The following LRP3 variants were observed in gnomAD, a reference collection of about 807,000 sequenced individuals.
LRP3 encodes LDL receptor related protein 3.
In LRP3, 49 loss-of-function variants were observed where a neutral mutation model predicts 58.5. The ratio of observed to expected loss-of-function variants is 0.84; its 90% confidence interval spans 0.67 to 1.06. The LOEUF (loss-of-function observed/expected upper bound fraction) is 1.06. Among genes scored for constraint, LRP3 ranks in the 50% least tolerant of loss-of-function variants. LRP3 has a pLI of 0.00. For synonymous variants in LRP3, 485 were observed against 492.2 expected (o/e 0.99, Z 0.20); for missense variants, 1,019 against 1,134.2 (o/e 0.90, Z 1.46).
In LRP3 at chr19:33,207,199, C is replaced by T. The variant is rs746165158; in HGVS notation, c.1937C>T (p.Ala646Val). The part of the protein sequence containing the change: ...GDGFLQPAPG[A>V]APDPPAPLMD... ...GGCTTCCTCCAGCCTGCTCCAGGGG[C>T]TGCCCCCGACCCCCCAGCACCGCTC... Residue 646 changes from alanine (A) to valine (V), a missense_variant, in exon 7 of 7, where the codon GCT (alanine) becomes GTT (valine). By Grantham distance (64) the Ala-to-Val change is moderately conservative. Around this residue, in one of 2 missense-constraint regions of LRP3, gnomAD observed 427 missense variants for 408.6 expected, o/e 1.04. Coordinates refer to ENST00000253193, the MANE Select transcript of LRP3 (RefSeq NM_002333.4). 1.0e-5 allele frequency: 16 copies of T among 1,552,964 alleles called. No homozygotes were observed. The highest frequency in any genetic ancestry group is 1.4e-5 in the Non-Finnish European group (16 of 1,154,612).
chr19:33,194,955 C>T (rs1304533285), intron 1 of LRP3, 97 bp downstream of exon 1: 7 of 550,488 alleles, frequency 1.3e-5, no homozygotes, highest in Admixed American at 5.7e-5. Context: ...GCATCCCGAG[C>T]CCCCCACCGC....
In LRP3 at chr19:33,207,280, G is replaced by A. The variant is rs749649601; in HGVS notation, c.2018G>A (p.Arg673His). 3.4e-5 allele frequency: 53 copies of A among 1,555,982 alleles called. No homozygotes were observed. Among genetic ancestry groups the A allele is most frequent in the South Asian group, 9.5e-5 (8 of 84,346 alleles). Residue 673 changes from arginine (R) to histidine (H), a missense_variant, in exon 7 of 7, where the codon CGT becomes CAT. Arg to His is a conservative substitution (Grantham distance 29). Around this residue, in one of 2 missense-constraint regions of LRP3, gnomAD observed 427 missense variants for 408.6 expected, o/e 1.04. Coordinates refer to ENST00000253193, the MANE Select transcript of LRP3 (RefSeq NM_002333.4). ...AGDRPPSAPGRAPEVGPSGPP... is the reference protein window; with the variant it reads ...AGDRPPSAPGHAPEVGPSGPP... ...GACAGGCCCCCCAGTGCCCCCGGCC[G>A]TGCACCGGAGGTGGGACCTTCAGGG...
Position 33,196,793 on chromosome 19 carries a change from C to T in LRP3, c.121+16C>T, listed in dbSNP as rs1974290335. On this transcript the variant is annotated intron_variant, in intron 2 of 6. Transcript: ENST00000253193. Reference sequence around the variant, plus strand: ...CCTGCCTTAGGTAAGTAAGCACTTTCTCTCCTTCCTCCACTCCTTCAGTCC... The same window carrying T: ...CCTGCCTTAGGTAAGTAAGCACTTTTTCTCCTTCCTCCACTCCTTCAGTCC... The T allele has an allele frequency of 1.2e-6, 2 of 1,613,158 alleles. No individual in the cohort carries two copies. Among genetic ancestry groups the T allele is most frequent in the South Asian group, 1.1e-5 (1 of 91,074 alleles).
At chr19:33,201,113 A>G (rs73571989) in intron 2 of LRP3, among the ~76,000 whole-genome samples, 15,502 of 152,264 alleles carry the variant, frequency 0.1, 1,622 homozygotes, top group African/African-American at 0.27. Context: ...CCTGCCATGC[A>G]TTAGGCACTG....
chr19:33,201,828 C>G (rs1974344313), intron 2 of LRP3, among the ~76,000 whole-genome samples: 1 of 152,130 alleles, frequency 6.6e-6, no homozygotes, highest in Non-Finnish European at 1.5e-5. Context: ...CACAGCGGGG[C>G]AGGGCAGGCT....
chr19:33,207,034 G>T lies in LRP3; in HGVS notation c.1772G>T (p.Arg591Leu). The T allele has an allele frequency of 6.7e-7, 1 of 1,484,410 alleles. No homozygotes were observed. The allele number at this position is 1,484,410 out of a possible 1,614,324, so 92.0% of individuals were successfully genotyped here. Residue 591 changes from arginine to leucine, a missense_variant, in exon 7 of 7, where the codon CGT (arginine) becomes CTT (leucine). Around this residue, in one of 2 missense-constraint regions of LRP3, gnomAD observed 427 missense variants for 408.6 expected, o/e 1.04. Transcript: ENST00000253193. ...NLRTAMRRQM[R>L]RHASRRGPSR... The stretch of plus-strand genomic sequence containing the variant: ...CGCACAGCCATGCGGAGACAGATGC[G>T]TCGGCACGCCTCCCGCCGGGGGCCC...
chr19:33,207,491 G>A lies in LRP3; in HGVS notation c.2229G>A (p.Glu743=), dbSNP rs749105781. 15 of 1,602,324 alleles carry A rather than the reference G, an allele frequency of 9.4e-6. No individual in the cohort carries two copies. Among genetic ancestry groups the A allele is most frequent in the South Asian group, 5.5e-5 (5 of 90,382 alleles). ...ASSTLGPHSP[E]PLGVCRNPPP... ...GCACCCTGGGCCCCCACTCGCCAGA[G>A]CCACTGGGGGTCTGCAGGAACCCCC... The change falls in exon 7 of 7, where the codon GAG becomes GAA. Residue 743 remains glutamate (E), a synonymous_variant. Transcript: ENST00000253193.
Position 33,207,273 on chromosome 19 carries a change from C to G in LRP3, c.2011C>G (p.Pro671Ala), listed in dbSNP as rs1974431553. 2 of 1,554,208 alleles carry G rather than the reference C, an allele frequency of 1.3e-6. No homozygotes were observed. The highest frequency in any genetic ancestry group is 3.8e-5 in the Admixed American group (2 of 52,536). ...RAAGDRPPSAPGRAPEVGPSG... is the reference protein window; with the variant it reads ...RAAGDRPPSAAGRAPEVGPSG... ...GGCCGGAGACAGGCCCCCCAGTGCC[C>G]CCGGCCGTGCACCGGAGGTGGGACC... The change falls in exon 7 of 7, where the codon CCC becomes GCC. Residue 671 changes from proline to alanine, a missense_variant. Coordinates refer to ENST00000253193, the MANE Select transcript of LRP3 (RefSeq NM_002333.4).
rs770096859 is a variant in LRP3 at position 33,206,679 on chromosome 19, C to T, written c.1671C>T (p.Ile557=). 44 of 1,563,760 alleles carry T rather than the reference C, an allele frequency of 2.8e-5. 1 individual carries two copies. Among genetic ancestry groups the T allele is most frequent in the South Asian group, 4.8e-5 (4 of 83,168 alleles). ...CACCCCCATCCTATGGTCAGCTCAT[C>T]GCCCAGGGCCTCATTCCACCCGTGG... The part of the protein sequence containing the change: ...REAPPSYGQL[I]AQGLIPPVED... The change falls in exon 6 of 7, where the codon ATC becomes ATT. Residue 557 remains isoleucine (I), a synonymous_variant. Transcript: ENST00000253193.
chr19:33,196,853 A>C, intron 2 of LRP3, 76 bp downstream of exon 2: 3 of 1,378,286 alleles, frequency 2.2e-6, no homozygotes, highest in Non-Finnish European at 3.1e-6. Context: ...ACAGGCCTTC[A>C]GGGTCCTGGC....
Position 33,206,290 on chromosome 19 carries a change from T to C in LRP3, c.1520T>C (p.Val507Ala), listed in dbSNP as rs370223385. ...ACGGCGGCGCTCATTGGCAGCCTGG[T>C]GTGTGGCCTGCTGCTGGTCATCGCG... is the stretch of plus-strand genomic sequence containing the variant. ...VITAALIGSL[V>A]CGLLLVIALG... The change falls in exon 5 of 7, where the codon GTG becomes GCG. Residue 507 changes from valine (V) to alanine (A), a missense_variant. Physicochemically the swap from Val to Ala is moderately conservative, Grantham distance 64 (BLOSUM62 0). Transcript: ENST00000253193. The C allele has an allele frequency of 7.5e-6, 12 of 1,598,038 alleles. No homozygotes were observed. In the African/African-American group the frequency reaches 1.1e-4, roughly 14 times the overall value.
intron 3 of LRP3, among the ~76,000 whole-genome samples, chr19:33,203,246 G>A (rs1237776656): frequency 2.0e-5 from 3 of 152,072 alleles, no homozygotes; most frequent in African/African-American, 7.2e-5. Context: ...GTGTGTGTGA[G>A]GTAGGCGTGT....
Position 33,196,861 on chromosome 19 carries a change from G to C in LRP3, c.121+84G>C. 4.0e-6 allele frequency: 5 copies of C among 1,264,050 alleles called. No individual in the cohort carries two copies. The South Asian group carries it at 6.0e-5, about 15-fold the overall frequency. The allele number at this position is 1,264,050 out of a possible 1,614,324, so 78.3% of individuals were successfully genotyped here. The stretch of plus-strand genomic sequence containing the variant: ...CCTGAAGACAGGCCTTCAGGGTCCT[G>C]GCACTACCCCGAGTTCCTGTGTGCA... On this transcript the variant is annotated intron_variant, in intron 2 of 6. Transcript: ENST00000253193.
intron 1 of LRP3, among the ~76,000 whole-genome samples, chr19:33,195,882 G>C (rs1229626967): frequency 6.6e-6 from 1 of 152,206 alleles, no homozygotes. Context: ...ATGCTTAGGA[G>C]CTTTGGCCTG....
intron 1 of LRP3, among the ~76,000 whole-genome samples, chr19:33,196,149 C>T (rs1974283266): frequency 6.6e-6 from 1 of 152,152 alleles, no homozygotes; most frequent in Non-Finnish European, 1.5e-5. Context: ...GAGGATGGTT[C>T]CGTCACTAGC....
In LRP3 at chr19:33,208,804, A is replaced by AAAAAC; in HGVS notation, c.*1240_*1244dup. 1 of 1,585,504 alleles carries AAAAAC rather than the reference A, an allele frequency of 6.3e-7. No homozygotes were observed. The highest frequency in any genetic ancestry group is 1.1e-5 in the South Asian group (1 of 87,890). On this transcript the variant is annotated 3_prime_UTR_variant, in exon 7 of 7. Coordinates refer to ENST00000253193, the MANE Select transcript of LRP3 (RefSeq NM_002333.4). This position sits in a 1 kb window ranked among gnomAD's most constrained non-coding sequence, Gnocchi z 4.7. ...TATCTTTTTTCTTTTTTTTCCAGAA[A>AAAAAC]AAAACAAAACAAAACTTTTTTGCCA...
At position 33,207,145 on chromosome 19, in the gene LRP3, C is replaced by T. The variant is rs1315005819; in HGVS notation, c.1883C>T (p.Ala628Val). Residue 628 changes from alanine (A) to valine (V), a missense_variant, in exon 7 of 7, where the codon GCA becomes GTA. Physicochemically the swap from Ala to Val is moderately conservative, Grantham distance 64. Transcript: ENST00000253193. ...PRGQIPLLTA[A>V]RPSQTVLGDG... Reference sequence around the variant, plus strand: ...GGCCAGATCCCACTGCTGACCGCAGCACGCCCCTCACAGACCGTGCTGGGC... The same window carrying T: ...GGCCAGATCCCACTGCTGACCGCAGTACGCCCCTCACAGACCGTGCTGGGC... 1 of 1,534,758 alleles carries T rather than the reference C, an allele frequency of 6.5e-7. No individual in the cohort carries two copies. The highest frequency in any genetic ancestry group is 8.7e-7 in the Non-Finnish European group (1 of 1,144,320).
At position 33,205,286 on chromosome 19, in the gene LRP3, C is replaced by G. The variant is rs770834291; in HGVS notation, c.516C>G (p.Arg172=). ...CATCCTGCCAGGCAGATGAGTTCCG[C>G]TGTGACAACGGCAAGTGCCTGCCCG... ...GQASCQADEF[R]CDNGKCLPGP... Residue 172 remains arginine, a synonymous_variant, in exon 5 of 7, where the codon CGC becomes CGG. Transcript: ENST00000253193. The G allele has an allele frequency of 3.1e-6, 5 of 1,610,684 alleles. No homozygotes were observed. The highest frequency in any genetic ancestry group is 1.3e-5 in the African/African-American group (1 of 74,928).
rs2145445750 is a variant in LRP3, at chr19:33,194,851, C to T, written c.66C>T (p.Val22=). ...GCGCCCGGGCGCAGCTGGCCGTCGT[C>T]TGTCTGGGTGAGTGGGCCGCGCGGG... ...APGARAQLAV[V]CLVNIFLTGR... is the part of the protein sequence containing the mutation. Residue 22 remains valine (V), a synonymous_variant, in exon 1 of 7, where the codon GTC becomes GTT. Transcript: ENST00000253193. The T allele has an allele frequency of 2.7e-6, 3 of 1,109,728 alleles. No individual in the cohort carries two copies. In the South Asian group the frequency reaches 1.3e-4, roughly 47 times the overall value. The allele number at this position is 1,109,728 out of a possible 1,614,324, so 68.7% of individuals were successfully genotyped here.
Sources: gnomAD v4.1 joint callset for allele counts (sites outside exome capture counted in the v4.1 genomes callset) on GRCh38, gnomAD v4.1.1 for gene constraint, gnomAD v4.1.1 regional missense constraint, Gnocchi (gnomAD v3.1) non-coding constraint, MANE v1.5 for transcripts, NCBI Gene and HGNC (gene_info 2026-07-23, HGNC 2026-07-21) for gene names.